The following SLC6A5 variants were observed in gnomAD, a reference collection of about 807,000 sequenced individuals.
SLC6A5 encodes the protein solute carrier family 6 member 5, also known as sodium- and chloride-dependent glycine transporter 2.
A neutral mutation model predicts 90.5 loss-of-function variants in SLC6A5; 58 were observed. The observed-to-expected ratio is 0.64, with a 90% confidence interval of 0.52 to 0.80. SLC6A5 has a LOEUF of 0.80. Among genes scored for constraint, SLC6A5 ranks in the 30% least tolerant of loss-of-function variants. The pLI is 0.00. For synonymous variants in SLC6A5, 427 were observed against 401.4 expected, an observed-to-expected ratio of 1.06 and a Z score of -0.76; for missense variants, 1,015 against 1,017.6, an observed-to-expected ratio of 1.00 and a Z score of 0.03.
rs1206819226 is a variant in SLC6A5, at chr11:20,646,898, A to G, written c.2034A>G (p.Lys678=). 1 of 1,613,860 alleles carries G rather than the reference A, an allele frequency of 6.2e-7. No homozygotes were observed. ...GATTCCAGCCTAACATCTTCTGGAA[A>G]GTCTGCTGGGCATTTGTAACCCCAA... The part of the protein sequence containing the change: ...MIGFQPNIFW[K]VCWAFVTPTI... Residue 678 remains lysine, a synonymous_variant, in exon 14 of 16, where the codon AAA becomes AAG. Coordinates refer to ENST00000525748, the MANE Select transcript of SLC6A5 (RefSeq NM_004211.5).
Position 20,601,153 on chromosome 11 carries a change from A to T in SLC6A5, c.28A>T (p.Asn10Tyr), listed in dbSNP as rs1432862969. 1 of 1,591,508 alleles carries T rather than the reference A, an allele frequency of 6.3e-7. No homozygotes were observed. Among genetic ancestry groups the T allele is most frequent in the Non-Finnish European group, 8.5e-7 (1 of 1,176,532 alleles). The change falls in exon 2 of 16, where the codon AAT becomes TAT. Residue 10 changes from asparagine (N) to tyrosine (Y), a missense_variant. Transcript: ENST00000525748. ...GGATTGCAGTGCTCCCAAGGAAATG[A>T]ATAAACTGCCAGCCAACAGCCCGGA... MDCSAPKEMNKLPANSPEAA... is the reference protein window; with the variant it reads MDCSAPKEMYKLPANSPEAA...
intron 10 of SLC6A5, among the ~76,000 whole-genome samples, chr11:20,635,690 C>T (rs1853191532): frequency 6.6e-6 from 1 of 152,144 alleles, no homozygotes; most frequent in South Asian, 2.1e-4. Context: ...TGATGTCATT[C>T]TGGTCATGTT....
rs1715297 is a variant in SLC6A5, at chr11:20,654,732, C to G, written c.2258C>G (p.Ser753Trp). 3.7e-6 allele frequency: 6 copies of G among 1,614,138 alleles called. No individual in the cohort carries two copies. The highest frequency in any genetic ancestry group is 5.1e-6 in the Non-Finnish European group (6 of 1,180,026). ...TTGCAGAGGCTGAAGTTGGTGTGCTCGCCACAGCCGGACTGGGGCCCATTC... is the reference window on the plus strand; with the variant it reads ...TTGCAGAGGCTGAAGTTGGTGTGCTGGCCACAGCCGGACTGGGGCCCATTC... ...RFIERLKLVC[S>W]PQPDWGPFLA... The change falls in exon 16 of 16, where the codon TCG becomes TGG. Residue 753 changes from serine to tryptophan, a missense_variant. Ser to Trp is a radical substitution (Grantham distance 177, BLOSUM62 -3). Transcript: ENST00000525748.
intron 4 of SLC6A5, 150 bp from the exon 5 acceptor site, chr11:20,607,329 C>T: frequency 8.6e-7 from 1 of 1,165,642 alleles, no homozygotes. Context: ...AGAATGCCTT[C>T]ATATCCCTGG....
At position 20,604,403 on chromosome 11, in the gene SLC6A5, C is replaced by T. The variant is rs1852537038; in HGVS notation, c.658C>T (p.Leu220=). 1.9e-6 allele frequency: 3 copies of T among 1,613,936 alleles called. No homozygotes were observed. Among genetic ancestry groups the T allele is most frequent in the East Asian group, 2.2e-5 (1 of 44,842 alleles). The part of the protein sequence containing the change: ...GLGNVWRFPY[L]AFQNGGGAFL... ...GGGCAATGTCTGGAGGTTTCCCTAC[C>T]TGGCCTTCCAGAACGGGGGAGGTAT... The change falls in exon 3 of 16, where the codon CTG becomes TTG. Residue 220 remains leucine (L), a synonymous_variant. Transcript: ENST00000525748.
At chr11:20,650,144 G>A (rs1853496598) in intron 14 of SLC6A5, among the ~76,000 whole-genome samples, 3 of 152,014 alleles carry the variant, frequency 2.0e-5, no homozygotes, top group Admixed American at 6.6e-5. Flanking sequence ...TGTTGTTTAA[G>A]TTAGGAAGAG....
chr11:20,601,564 C>T lies in SLC6A5; in HGVS notation c.439C>T (p.Pro147Ser), dbSNP rs1357356357. Residue 147 changes from proline to serine, a missense_variant, in exon 2 of 16, where the codon CCT becomes TCT. By Grantham distance (74) the Pro-to-Ser change is moderately conservative. Transcript: ENST00000525748. ...GKGTLERNNT[P>S]VVGWVNMSQS... Reference sequence around the variant, plus strand: ...GGGCACCCTGGAGCGGAACAATACCCCTGTTGTGGGCTGGGTGAACATGAG... The same window carrying T: ...GGGCACCCTGGAGCGGAACAATACCTCTGTTGTGGGCTGGGTGAACATGAG... 1.2e-6 allele frequency: 2 copies of T among 1,614,154 alleles called. No homozygotes were observed. The highest frequency in any genetic ancestry group is 1.6e-4 in the Middle Eastern group (1 of 6,062).
At chr11:20,639,068 C>A (rs1317016585) in intron 13 of SLC6A5, among the ~76,000 whole-genome samples, 2 of 152,122 alleles carry the variant, frequency 1.3e-5, no homozygotes, top group Admixed American at 1.3e-4. Context: ...CAGATTTTTC[C>A]AGGAATAGAC....
chr11:20,647,660 C>G (rs1211751730), intron 14 of SLC6A5, among the ~76,000 whole-genome samples: 1 of 152,050 alleles, frequency 6.6e-6, no homozygotes, highest in Non-Finnish European at 1.5e-5. Flanking sequence ...CTCACAGTAG[C>G]TCCTCAAGGT....
intron 7 of SLC6A5, among the ~76,000 whole-genome samples, chr11:20,624,289 G>A (rs925506775): frequency 3.3e-5 from 5 of 151,838 alleles, no homozygotes; most frequent in African/African-American, 1.2e-4. Flanking sequence ...GAGTAGCTGG[G>A]ACTACAGGCA....
intron 7 of SLC6A5, among the ~76,000 whole-genome samples, chr11:20,622,364 G>T (rs768322667): frequency 6.6e-6 from 1 of 152,200 alleles, no homozygotes; most frequent in Non-Finnish European, 1.5e-5. Context: ...CTCACTCTCA[G>T]GTTCCTGAAG....
At chr11:20,643,345 G>A (rs1038916562) in intron 13 of SLC6A5, among the ~76,000 whole-genome samples, 1 of 151,784 alleles carries the variant, frequency 6.6e-6, no homozygotes, top group Non-Finnish European at 1.5e-5. Context: ...TGCTCAGAAG[G>A]CCTAGTGATC....
chr11:20,638,035 G>A (rs1853242663), intron 12 of SLC6A5, among the ~76,000 whole-genome samples: 1 of 152,192 alleles, frequency 6.6e-6, no homozygotes, highest in African/African-American at 2.4e-5. Flanking sequence ...TAGAGATAAT[G>A]TGGGGGTGTG....
chr11:20,608,958 CTGTGTGTGTG>C (rs71063652), intron 5 of SLC6A5, among the ~76,000 whole-genome samples: 2 of 110,860 alleles, frequency 1.8e-5, no homozygotes, highest in Non-Finnish European at 4.1e-5. Flanking sequence ...CTCTCTCTCT[CTGTGTGTGTG>C]TGTGTGTGTG....
chr11:20,621,692 T>G (rs1418580878), intron 7 of SLC6A5, among the ~76,000 whole-genome samples: 2 of 152,220 alleles, frequency 1.3e-5, no homozygotes, highest in Non-Finnish European at 2.9e-5. Flanking sequence ...TATGATGAAC[T>G]CCTTTGTGAT....
rs1853647420 is a variant in SLC6A5, at chr11:20,657,187, A to C, written c.*2319A>C. ...CTGGACGCCAACCCAATTTCTGCTAATTATTGCTTTTGTGATTAAAAGAAG... is the reference window on the plus strand; with the variant it reads ...CTGGACGCCAACCCAATTTCTGCTACTTATTGCTTTTGTGATTAAAAGAAG... On this transcript the variant is annotated 3_prime_UTR_variant, in exon 16 of 16. Coordinates refer to ENST00000525748, the MANE Select transcript of SLC6A5 (RefSeq NM_004211.5). 1 of 146,946 alleles carries C rather than the reference A, an allele frequency of 6.8e-6. No homozygotes were observed. The highest frequency in any genetic ancestry group is 2.1e-4 in the South Asian group (1 of 4,674). The allele number at this position is 146,946 out of a possible 1,614,324, so 9.1% of individuals were successfully genotyped here. A position where few individuals can be genotyped will look rare whatever the true frequency, so the allele number is the denominator to read the frequency against.
intron 13 of SLC6A5, 108 bp downstream of exon 13, chr11:20,638,666 C>A: frequency 1.3e-6 from 1 of 771,654 alleles, no homozygotes; most frequent in South Asian, 1.4e-5. Flanking sequence ...GCTTAAATTG[C>A]AACTATTTAG....
rs772652517 is a variant in SLC6A5 at position 20,636,322 on chromosome 11, T to C, written c.1640T>C (p.Phe547Ser). 5.5e-5 allele frequency: 88 copies of C among 1,612,442 alleles called. No individual in the cohort carries two copies. The highest frequency in any genetic ancestry group is 6.6e-5 in the Non-Finnish European group (78 of 1,178,564). The part of the protein sequence containing the change: ...NVADQGPGIA[F>S]VVYPEALTRL... The stretch of plus-strand genomic sequence containing the variant: ...TTCCTTCCAGGGCCAGGCATTGCAT[T>C]TGTGGTTTACCCGGAAGCCTTAACC... Residue 547 changes from phenylalanine to serine, a missense_variant, in exon 11 of 16, where the codon TTT becomes TCT. Coordinates refer to ENST00000525748, the MANE Select transcript of SLC6A5 (RefSeq NM_004211.5).
At position 20,656,106 on chromosome 11, in the gene SLC6A5, G is replaced by A. The variant is rs368088738; in HGVS notation, c.*1238G>A. On this transcript the variant is annotated 3_prime_UTR_variant, in exon 16 of 16. Transcript: ENST00000525748. ...CCCTATTCACAGTACTCATTTTAAC[G>A]GCACTCTAATGAGAGCTGATCATAT... is the stretch of plus-strand genomic sequence containing the variant. 12 of 152,056 alleles carry A rather than the reference G, an allele frequency of 7.9e-5. No individual in the cohort carries two copies. The South Asian group carries it at 1.9e-3, about 24-fold the overall frequency. The allele number at this position is 152,056 out of a possible 1,614,324, so 9.4% of individuals were successfully genotyped here. A position where few individuals can be genotyped will look rare whatever the true frequency, so the allele number is the denominator to read the frequency against.
Sources: gnomAD v4.1 joint callset for allele counts (sites outside exome capture counted in the v4.1 genomes callset) on GRCh38, gnomAD v4.1.1 for gene constraint, MANE v1.5 for transcripts, NCBI Gene and HGNC (gene_info 2026-07-23, HGNC 2026-07-21) for gene names.